Variants in CCDC7 observed in about 807,000 individuals in gnomAD.
The protein encoded by CCDC7 is coiled-coil domain-containing protein 7.
In CCDC7, 183 loss-of-function variants were observed where a neutral mutation model predicts 196.9. That is an observed-to-expected ratio of 0.93 (90% CI 0.82 to 1.05). CCDC7 has a LOEUF of 1.05. Ranked by LOEUF, CCDC7 falls within the 50% of genes least tolerant of loss-of-function variation. CCDC7 has a pLI of 0.00. For synonymous variants in CCDC7, 525 were observed against 484.6 expected, an observed-to-expected ratio of 1.08 and a Z score of -1.10; for missense variants, 1,540 against 1,482.2, an observed-to-expected ratio of 1.04 and a Z score of -0.64.
intron 18 of CCDC7, among the ~76,000 whole-genome samples, chr10:32,622,499 G>C (rs1275885614): frequency 6.6e-6 from 1 of 151,888 alleles, no homozygotes; most frequent in African/African-American, 2.4e-5. Context: ...ATGTACTATG[G>C]GGGTGGGAGT....
intron 20 of CCDC7, among the ~76,000 whole-genome samples, chr10:32,654,920 A>G (rs1392738221): frequency 6.6e-6 from 1 of 152,206 alleles, no homozygotes; most frequent in African/African-American, 2.4e-5. Flanking sequence ...TTTGATGGTC[A>G]GCCCCAACCT....
At chr10:32,661,292 G>C (rs1311772836) in intron 20 of CCDC7, among the ~76,000 whole-genome samples, 10 of 150,312 alleles carry the variant, frequency 6.7e-5, no homozygotes, top group Non-Finnish European at 1.5e-5. Context: ...ACACCAGTTA[G>C]AATGGCAATC....
chr10:32,765,835 CT>C (rs1342788808), intron 28 of CCDC7, among the ~76,000 whole-genome samples: 1 of 152,010 alleles, frequency 6.6e-6, no homozygotes, highest in African/African-American at 2.4e-5. Context: ...AACGTATCCC[CT>C]GGTAACTGGC....
chr10:32,820,485 C>A (rs944415678), intron 31 of CCDC7, among the ~76,000 whole-genome samples: 3 of 151,988 alleles, frequency 2.0e-5, no homozygotes, highest in African/African-American at 7.3e-5. Flanking sequence ...CATATGGAAC[C>A]AAAAAAGAGC....
intron 5 of CCDC7, among the ~76,000 whole-genome samples, chr10:32,466,412 C>T (rs1369527213): frequency 6.6e-6 from 1 of 152,126 alleles, no homozygotes; most frequent in African/African-American, 2.4e-5. Flanking sequence ...TTCTGCTCCT[C>T]TCCTTCCTCC....
intron 41 of CCDC7, among the ~76,000 whole-genome samples, chr10:32,870,529 A>G (rs529239008): frequency 7.9e-5 from 12 of 152,348 alleles, no homozygotes; most frequent in African/African-American, 2.9e-4. Context: ...ATATACAATC[A>G]TGTCATCTCC....
At chr10:32,813,113 C>T (rs957353981) in intron 30 of CCDC7, among the ~76,000 whole-genome samples, 2 of 152,046 alleles carry the variant, frequency 1.3e-5, no homozygotes, top group Non-Finnish European at 2.9e-5. Context: ...ACAACAACAA[C>T]AACAACAAAC....
At chr10:32,660,756 A>C (rs2071182384) in intron 20 of CCDC7, among the ~76,000 whole-genome samples, 1 of 150,900 alleles carries the variant, frequency 6.6e-6, no homozygotes, top group Non-Finnish European at 1.5e-5. Flanking sequence ...TGGTGCTGGG[A>C]AAACTGGCTA....
chr10:32,861,046 A>C (rs1289778872), intron 41 of CCDC7, among the ~76,000 whole-genome samples: 1 of 147,508 alleles, frequency 6.8e-6, no homozygotes, highest in Non-Finnish European at 1.5e-5. Flanking sequence ...TCTTCACAGA[A>C]TTGTAAAAAA....
chr10:32,761,194 AG>A (rs2077413855), intron 28 of CCDC7, among the ~76,000 whole-genome samples: 1 of 152,052 alleles, frequency 6.6e-6, no homozygotes, highest in Admixed American at 6.6e-5. Context: ...GAGGGAATAC[AG>A]AAAGCACAGT....
chr10:32,455,458 G>C (rs1460804785), intron 2 of CCDC7, among the ~76,000 whole-genome samples: 1 of 152,046 alleles, frequency 6.6e-6, no homozygotes, highest in Non-Finnish European at 1.5e-5. Context: ...GGGATTACCG[G>C]TGTGCGGCGC....
At position 32,814,299 on chromosome 10, in the gene CCDC7, T is replaced by A; in HGVS notation, c.3098-71T>A. ...AGTAACACACACACATATATGTACATGCACTCACACTGTCACATTTGTGTA... is the reference window on the plus strand; with the variant it reads ...AGTAACACACACACATATATGTACAAGCACTCACACTGTCACATTTGTGTA... On this transcript the variant is annotated intron_variant, in intron 30 of 41. Coordinates refer to ENST00000639629, the Ensembl canonical transcript of CCDC7. 5 of 1,039,138 alleles carry A rather than the reference T, an allele frequency of 4.8e-6. No individual in the cohort carries two copies. The South Asian group carries it at 6.5e-5, about 13-fold the overall frequency. The allele number at this position is 1,039,138 out of a possible 1,614,324, so 64.4% of individuals were successfully genotyped here.
intron 29 of CCDC7, among the ~76,000 whole-genome samples, chr10:32,781,772 CT>C (rs1302668020): frequency 6.6e-6 from 1 of 152,126 alleles, no homozygotes; most frequent in African/African-American, 2.4e-5. Flanking sequence ...TAGATAACTT[CT>C]AGTCAAAATA....
intron 3 of CCDC7, among the ~76,000 whole-genome samples, chr10:32,458,945 G>A (rs919906237): frequency 1.3e-5 from 2 of 151,876 alleles, no homozygotes; most frequent in South Asian, 2.1e-4. Flanking sequence ...GTTTTTTTGT[G>A]TGTGTCTTCT....
At chr10:32,656,775 C>G (rs1164582210) in intron 20 of CCDC7, among the ~76,000 whole-genome samples, 1 of 152,212 alleles carries the variant, frequency 6.6e-6, no homozygotes, top group East Asian at 1.9e-4. Context: ...GCCCTTCCAA[C>G]AGTCCCCCAA....
intron 41 of CCDC7, among the ~76,000 whole-genome samples, chr10:32,861,127 A>AAAG (rs1432191419): frequency 1.3e-4 from 20 of 148,532 alleles, no homozygotes; most frequent in African/African-American, 4.2e-4. Flanking sequence ...AAAAAAAAAA[A>AAAG]AAAAAAAGAA....
chr10:32,481,155 T>A (rs2039896750), intron 8 of CCDC7, among the ~76,000 whole-genome samples: 2 of 152,212 alleles, frequency 1.3e-5, no homozygotes, highest in African/African-American at 2.4e-5. Context: ...TAGCCACAGC[T>A]GCTCATTTAT....
At chr10:32,480,724 T>C (rs2039813802) in intron 8 of CCDC7, among the ~76,000 whole-genome samples, 1 of 152,216 alleles carries the variant, frequency 6.6e-6, no homozygotes, top group South Asian at 2.1e-4. Flanking sequence ...ATACTTGATA[T>C]GATTTTAGCC....
At chr10:32,494,902 A>G (rs2042680441) in intron 9 of CCDC7, among the ~76,000 whole-genome samples, 2 of 152,192 alleles carry the variant, frequency 1.3e-5, no homozygotes, top group African/African-American at 2.4e-5. Context: ...TTCTTTGGGT[A>G]TATACCCAGT....
Sources: gnomAD v4.1 joint callset for allele counts (sites outside exome capture counted in the v4.1 genomes callset) on GRCh38, gnomAD v4.1.1 for gene constraint, MANE v1.5 for transcripts, NCBI Gene and HGNC (gene_info 2026-07-23, HGNC 2026-07-21) for gene names.